Variants in JMJD1C observed in about 807,000 individuals in gnomAD.
JMJD1C encodes the protein jumonji domain containing 1C.
In JMJD1C, 31 loss-of-function variants were observed where a neutral mutation model predicts 245.3. The observed-to-expected ratio is 0.13, with a 90% CI of 0.09 to 0.17. JMJD1C has a LOEUF of 0.17. Ranked by LOEUF, JMJD1C falls within the 10% of genes least tolerant of loss-of-function variation. The pLI is 1.00. For missense variants in JMJD1C, 2,691 were observed against 3,000.2 expected (o/e 0.90, Z 2.41); for synonymous variants, 1,057 against 1,017.4 (o/e 1.04, Z -0.74).
Position 63,387,629 on chromosome 10 carries a change from A to ATTTTTTTTTTTTTT in JMJD1C, c.169-7161_169-7148dup, listed in dbSNP as rs71025169. ...AGTCAGAAGAAAAAAGAAAAAAAAA[A>ATTTTTTTTTTTTTT]TTTTTTTTTTTTTTTTTTTTTTTTG... On this transcript the variant is annotated intron_variant, in intron 1 of 25. Transcript: ENST00000399262. Among the ~76,000 whole-genome samples, 214 of 37,874 alleles carry ATTTTTTTTTTTTTT rather than the reference A, an allele frequency of 5.7e-3. 29 individuals are homozygous for ATTTTTTTTTTTTTT. The highest frequency in any genetic ancestry group is 0.019 in the African/African-American group (154 of 8,306). The allele number at this position is 37,874 out of a possible 152,430, so 24.8% of individuals were successfully genotyped here. A position where few individuals can be genotyped will look rare whatever the true frequency, so the allele number is the denominator to read the frequency against.
At chr10:63,334,581 G>C (rs1181286844) in intron 2 of JMJD1C, among the ~76,000 whole-genome samples, 1 of 152,058 alleles carries the variant, frequency 6.6e-6, no homozygotes, top group African/African-American at 2.4e-5. Context: ...AATTAGCCAG[G>C]CGTGGTGGTA....
intron 24 of JMJD1C, among the ~76,000 whole-genome samples, chr10:63,174,856 C>CAAAAAAAAAAAAAAAAAAAAAAAA: frequency 7.1e-6 from 1 of 141,146 alleles, no homozygotes; most frequent in Admixed American, 7.1e-5. Flanking sequence ...AAACAAAAAA[C>CAAAAAAAAAAAAAAAAAAAAAAAA]AAAAAAAAAA....
Position 63,506,697 on chromosome 10 carries a change from C to T in JMJD1C, n.113+15041G>A, listed in dbSNP as rs530297176. Among the ~76,000 whole-genome samples the T allele has an allele frequency of 2.0e-5, 3 of 152,292 alleles. No individual in the cohort carries two copies. The East Asian group carries it at 5.8e-4, about 29-fold the overall frequency. On this transcript the variant is annotated intron_variant and non_coding_transcript_variant, in intron 1 of 3. Coordinates refer to the JMJD1C transcript ENST00000633035. ...TTTACCGCCTGTCCCTACACAGACA[C>T]AACCTCCTCCAATATCAACATCCCA...
At chr10:63,509,090 G>T (rs1186143933) in intron 1 of JMJD1C, among the ~76,000 whole-genome samples, 2 of 152,184 alleles carry the variant, frequency 1.3e-5, no homozygotes, top group Admixed American at 6.5e-5. Context: ...TATCAGGTAA[G>T]AAAGTTCCTC....
intron 16 of JMJD1C, 64 bp downstream of exon 16, chr10:63,192,874 G>T: frequency 8.3e-7 from 1 of 1,199,966 alleles, no homozygotes; most frequent in Non-Finnish European, 1.2e-6. Flanking sequence ...TTGTACAATA[G>T]TACATTGTTG....
chr10:63,361,737 A>AG (rs1945357956), intron 2 of JMJD1C, among the ~76,000 whole-genome samples: 3 of 148,242 alleles, frequency 2.0e-5, no homozygotes, highest in Admixed American at 6.7e-5. Context: ...AAAAAAAAAA[A>AG]AAAAAAAAAA....
At chr10:63,486,000 C>A (rs1448047732) in intron 1 of JMJD1C, among the ~76,000 whole-genome samples, 1 of 151,824 alleles carries the variant, frequency 6.6e-6, no homozygotes, top group Non-Finnish European at 1.5e-5. Flanking sequence ...TGGCAGCACA[C>A]AGAAGGGGCA....
At chr10:63,223,520 G>C (rs1379577048) in intron 3 of JMJD1C, among the ~76,000 whole-genome samples, 1 of 152,012 alleles carries the variant, frequency 6.6e-6, no homozygotes, top group Non-Finnish European at 1.5e-5. Context: ...GAGCCATCAC[G>C]CCTGGCTATA....
chr10:63,344,880 T>C (rs749800698), intron 2 of JMJD1C, among the ~76,000 whole-genome samples: 24 of 152,126 alleles, frequency 1.6e-4, no homozygotes, highest in Non-Finnish European at 2.9e-4. Flanking sequence ...TAATACCAAG[T>C]TCTGGTGAGG....
At chr10:63,209,029 G>A (rs1179907156) in intron 9 of JMJD1C, 34 bp downstream of exon 9, 3 of 1,513,388 alleles carry the variant, frequency 2.0e-6, no homozygotes, top group South Asian at 2.5e-5. Flanking sequence ...TTATGAACAA[G>A]GTATTTATAA....
chr10:63,485,092 T>A (rs991687154), intron 1 of JMJD1C, among the ~76,000 whole-genome samples: 1 of 151,226 alleles, frequency 6.6e-6, no homozygotes, highest in Non-Finnish European at 1.5e-5. Flanking sequence ...AATAAATAAT[T>A]TATTTATAAA....
intron 2 of JMJD1C, among the ~76,000 whole-genome samples, chr10:63,317,550 C>T (rs1940246370): frequency 6.6e-6 from 1 of 152,130 alleles, no homozygotes; most frequent in South Asian, 2.1e-4. Context: ...CACACACACA[C>T]ACAATCATTC....
intron 2 of JMJD1C, among the ~76,000 whole-genome samples, chr10:63,368,196 G>A (rs530875274): frequency 6.6e-6 from 1 of 152,194 alleles, no homozygotes; most frequent in South Asian, 2.1e-4. Flanking sequence ...TTTACTATTG[G>A]GCATTAACTG....
intron 1 of JMJD1C, among the ~76,000 whole-genome samples, chr10:63,437,421 T>C (rs1414873509): frequency 6.6e-6 from 1 of 152,194 alleles, no homozygotes; most frequent in Non-Finnish European, 1.5e-5. Context: ...TATTCTCAAA[T>C]ACAGTATCTC....
intron 2 of JMJD1C, among the ~76,000 whole-genome samples, chr10:63,317,197 T>C (rs1053511702): frequency 1.3e-5 from 2 of 152,012 alleles, no homozygotes; most frequent in Non-Finnish European, 2.9e-5. Context: ...AACATTTAAG[T>C]CTTCTCTTCT....
intron 1 of JMJD1C, among the ~76,000 whole-genome samples, chr10:63,449,239 TAC>T (rs1360762670): frequency 6.6e-6 from 1 of 152,132 alleles, no homozygotes; most frequent in African/African-American, 2.4e-5. Flanking sequence ...AATTTTTTGT[TAC>T]AGTTTCACTT....
intron 1 of JMJD1C, among the ~76,000 whole-genome samples, chr10:63,452,706 T>C (rs1321608303): frequency 3.3e-4 from 50 of 152,278 alleles, no homozygotes; most frequent in Non-Finnish European, 1.5e-5. Context: ...TAAAATGTGG[T>C]ATATATATGC....
intron 2 of JMJD1C, among the ~76,000 whole-genome samples, chr10:63,364,097 T>G (rs920712869): frequency 6.6e-6 from 1 of 152,168 alleles, no homozygotes; most frequent in Non-Finnish European, 1.5e-5. Flanking sequence ...ACTCCTGACC[T>G]TAGGTGATCC....
Position 63,239,206 on chromosome 10 carries a change from A to G in JMJD1C, c.448-19223T>C. On this transcript the variant is annotated intron_variant, in intron 3 of 25. Transcript: ENST00000399262. ...ATTCATACGCAAGAATAGATGGGTGAAACAATATGGAATATAGGGACAAGT... is the reference window on the plus strand; with the variant it reads ...ATTCATACGCAAGAATAGATGGGTGGAACAATATGGAATATAGGGACAAGT... Among the ~76,000 whole-genome samples the G allele has an allele frequency of 1.3e-5, 2 of 152,176 alleles. 1 individual carries two copies. The highest frequency in any genetic ancestry group is 3.9e-4 in the East Asian group (2 of 5,188).
Sources: allele counts gnomAD v4.1 joint callset (sites outside exome capture counted in the v4.1 genomes callset), GRCh38; gene constraint gnomAD v4.1.1; transcripts MANE v1.5; gene names NCBI Gene and HGNC (gene_info 2026-07-23, HGNC 2026-07-21).